BORCS5: variants seen among roughly 807,000 people sequenced by gnomAD.
BORCS5 encodes BLOC-1-related complex subunit 5.
Under a neutral mutation model 22.1 loss-of-function variants are expected in BORCS5, and 17 were observed. The observed-to-expected ratio is 0.77, with a 90% CI of 0.53 to 1.15. The LOEUF (loss-of-function observed/expected upper bound fraction) is 1.15, where lower values mean the gene tolerates loss of function less well. BORCS5 is among the 50% of genes most tolerant of loss of function. BORCS5 has a pLI of 0.00. For missense variants in BORCS5, 247 were observed against 253.2 expected (o/e 0.98, Z 0.17); for synonymous variants, 117 against 99.8 (o/e 1.17, Z -1.03).
chr12:12,432,377 T>C lies in BORCS5; in HGVS notation c.203-3251T>C, dbSNP rs551591430. Among the ~76,000 whole-genome samples the C allele has an allele frequency of 5.9e-5, 9 of 152,372 alleles. No individual in the cohort carries two copies. In the East Asian group the frequency reaches 1.7e-3, roughly 29 times the overall value. The stretch of plus-strand genomic sequence containing the variant: ...CTGGAAATGTATTTCTTGTCAGTGA[T>C]AGGGTAGCCCTTGATAGTTTTGTTA... On this transcript the variant is annotated intron_variant, in intron 2 of 3. Coordinates refer to ENST00000314565, the MANE Select transcript of BORCS5 (RefSeq NM_058169.6).
At chr12:12,385,788 G>A (rs113726959) in intron 2 of BORCS5, among the ~76,000 whole-genome samples, 5,779 of 151,444 alleles carry the variant, frequency 0.038, 320 homozygotes, top group Admixed American at 0.08. Flanking sequence ...GATTACAGGC[G>A]TGAGCCGCCA....
At chr12:12,436,532 A>C (rs542261151) in intron 3 of BORCS5, among the ~76,000 whole-genome samples, 197 of 152,362 alleles carry the variant, frequency 1.3e-3, no homozygotes, top group African/African-American at 4.7e-3. Flanking sequence ...TGATACCTTG[A>C]TGTACTGTAA....
intron 3 of BORCS5, chr12:12,452,117 G>A: frequency 3.9e-6 from 2 of 506,576 alleles, no homozygotes; most frequent in Non-Finnish European, 7.7e-6. Flanking sequence ...TTAAAAGAGG[G>A]CAGGTTTGGC....
chr12:12,413,717 C>T, intron 2 of BORCS5, among the ~76,000 whole-genome samples: 1 of 112,488 alleles, frequency 8.9e-6, no homozygotes, highest in East Asian at 2.4e-4. Context: ...GGCTGACCCC[C>T]CCACCATCCT....
At chr12:12,431,489 G>A (rs138437581) in intron 2 of BORCS5, among the ~76,000 whole-genome samples, 2,713 of 141,348 alleles carry the variant, frequency 0.019, 58 homozygotes, top group East Asian at 0.088. Context: ...TGCAAGCTCC[G>A]CCTCCGGGTT....
intron 2 of BORCS5, among the ~76,000 whole-genome samples, chr12:12,376,378 C>T (rs1265625089): frequency 2.0e-5 from 3 of 151,776 alleles, no homozygotes; most frequent in Non-Finnish European, 2.9e-5. Context: ...GGACTACAGG[C>T]GCCCGCCACC....
At chr12:12,456,970 G>T (rs1382878199) in intron 3 of BORCS5, among the ~76,000 whole-genome samples, 3 of 152,030 alleles carry the variant, frequency 2.0e-5, no homozygotes, top group African/African-American at 7.3e-5. Flanking sequence ...CAATAGATAT[G>T]TTGTGTCTAT....
At chr12:12,369,682 C>G (rs984163497) in intron 2 of BORCS5, among the ~76,000 whole-genome samples, 2 of 126,276 alleles carry the variant, frequency 1.6e-5, no homozygotes, top group Non-Finnish European at 3.2e-5. Context: ...AGGAAACTTT[C>G]AATGGTGTGG....
chr12:12,367,661 TCAACCGATTGAGAAAGTGAA>T (rs1447463489), intron 2 of BORCS5, among the ~76,000 whole-genome samples: 2 of 152,228 alleles, frequency 1.3e-5, no homozygotes, highest in African/African-American at 4.8e-5. Flanking sequence ...ATGGTTGCTT[TCAACCGATTGAGAAAGTGAA>T]GCTGTCTCAC....
At chr12:12,451,366 G>C (rs1474944536) in intron 3 of BORCS5, among the ~76,000 whole-genome samples, 1 of 152,114 alleles carries the variant, frequency 6.6e-6, no homozygotes, top group Admixed American at 6.5e-5. Flanking sequence ...ACAATTGTGT[G>C]ACAAACAGCA....
At position 12,374,988 on chromosome 12, in the gene BORCS5, T is replaced by C. The variant is rs867565611; in HGVS notation, c.202+13639T>C. Among the ~76,000 whole-genome samples the C allele has an allele frequency of 5.1e-4, 78 of 152,110 alleles. No homozygotes were observed. The Middle Eastern group carries it at 0.01, about 20-fold the overall frequency. ...AAAAAAATTATTAACCAAGTTTGTA[T>C]TTGGAATATACTGCTTTTCTTTTCT... On this transcript the variant is annotated intron_variant, in intron 2 of 3. Coordinates refer to ENST00000314565, the MANE Select transcript of BORCS5 (RefSeq NM_058169.6).
At chr12:12,385,514 C>CTTT (rs568909483) in intron 2 of BORCS5, among the ~76,000 whole-genome samples, 20 of 143,452 alleles carry the variant, frequency 1.4e-4, no homozygotes, top group African/African-American at 4.9e-4. Flanking sequence ...TACCCAAGTT[C>CTTT]TTTTTTTTTT....
At chr12:12,428,051 A>G (rs926279496) in intron 2 of BORCS5, among the ~76,000 whole-genome samples, 1 of 152,166 alleles carries the variant, frequency 6.6e-6, no homozygotes, top group Non-Finnish European at 1.5e-5. Flanking sequence ...AACTTTTGTC[A>G]AAGTTATATT....
chr12:12,357,149 C>G lies in BORCS5; in HGVS notation c.-303C>G, dbSNP rs889924351. The G allele has an allele frequency of 1.3e-6, 2 of 1,532,938 alleles. No homozygotes were observed. The highest frequency in any genetic ancestry group is 1.4e-5 in the African/African-American group (1 of 72,970). 95.0% of individuals were successfully genotyped at this position (1,532,938 alleles called of 1,614,324 possible). On this transcript the variant is annotated 5_prime_UTR_variant, in exon 1 of 4. Transcript: ENST00000314565. ...TGAAAGCGGCGCCGCCCGCCGGCCG[C>G]AGGTGCGGCAAAGCCAGTGTCATCT... is the stretch of plus-strand genomic sequence containing the variant.
At chr12:12,434,012 G>C (rs1227336847) in intron 2 of BORCS5, among the ~76,000 whole-genome samples, 1 of 151,988 alleles carries the variant, frequency 6.6e-6, no homozygotes, top group Admixed American at 6.6e-5. Context: ...GGTGAGGAAG[G>C]GTTCCCAAGA....
At position 12,470,679 on chromosome 12, in the gene BORCS5, T is replaced by TTC. The variant is rs1002046663; in HGVS notation, c.*4904_*4905insCT. Among the ~76,000 whole-genome samples, 11 of 150,978 alleles carry TTC rather than the reference T, an allele frequency of 7.3e-5. No individual in the cohort carries two copies. The highest frequency in any genetic ancestry group is 2.7e-4 in the African/African-American group (11 of 41,030). ...AATAACATTGAATTTCATGTGGGTT[T>TTC]TTTTTTTTTGACACACCAGGCATGT... On this transcript the variant is annotated 3_prime_UTR_variant, in exon 4 of 4. Transcript: ENST00000314565.
chr12:12,392,814 A>T (rs1941230472), intron 2 of BORCS5, among the ~76,000 whole-genome samples: 1 of 152,084 alleles, frequency 6.6e-6, no homozygotes, highest in African/African-American at 2.4e-5. Context: ...GATCACTGGG[A>T]CTTTATAAAA....
At chr12:12,438,711 C>G (rs1226282221) in intron 3 of BORCS5, among the ~76,000 whole-genome samples, 1 of 152,186 alleles carries the variant, frequency 6.6e-6, no homozygotes, top group Non-Finnish European at 1.5e-5. Context: ...CCACTACAAT[C>G]ATCAGCTTGC....
At chr12:12,425,571 T>C (rs1215237509) in intron 2 of BORCS5, among the ~76,000 whole-genome samples, 1 of 152,238 alleles carries the variant, frequency 6.6e-6, no homozygotes, top group Non-Finnish European at 1.5e-5. Flanking sequence ...TCATTGTGTT[T>C]TGTATTTCCC....
Sources: gnomAD v4.1 joint callset for allele counts (sites outside exome capture counted in the v4.1 genomes callset) on GRCh38, gnomAD v4.1.1 for gene constraint, MANE v1.5 for transcripts, NCBI Gene and HGNC (gene_info 2026-07-23, HGNC 2026-07-21) for gene names.